TRMT11: variants seen among roughly 807,000 people sequenced by gnomAD.
TRMT11 encodes tRNA methyltransferase 11.
In TRMT11, 53 loss-of-function variants were observed where a neutral mutation model predicts 62.8. The observed-to-expected ratio is 0.84, with a 90% CI of 0.68 to 1.06. The LOEUF is 1.06. TRMT11 is among the 50% of genes least tolerant of loss of function. TRMT11 has a pLI of 0.00. For missense variants in TRMT11, 556 were observed against 553.4 expected, an observed-to-expected ratio of 1.00 and a Z score of -0.05; for synonymous variants, 188 against 190.3, an observed-to-expected ratio of 0.99 and a Z score of 0.10.
At chr6:126,241,238 C>T in the TRMT11 span, among the ~76,000 whole-genome samples, 1 of 152,156 alleles carries the variant, frequency 6.6e-6, no homozygotes, top group Admixed American at 6.5e-5. Context: ...GTGAGATGAA[C>T]CCGGTACCTC....
intron 21 of TRMT11, among the ~76,000 whole-genome samples, chr6:126,119,087 C>G (rs914100129): frequency 6.6e-6 from 1 of 152,042 alleles, no homozygotes; most frequent in African/African-American, 2.4e-5. Context: ...CATTCACTTC[C>G]CATATTTAGT....
chr6:126,011,126 A>T, intron 8 of TRMT11, 127 bp from the exon 9 acceptor site: 1 of 747,258 alleles, frequency 1.3e-6, no homozygotes, highest in Non-Finnish European at 2.1e-6. Context: ...TAAAATTAAG[A>T]TTTTAAATGA....
At chr6:126,051,878 A>G (rs1776229324) in intron 16 of TRMT11, among the ~76,000 whole-genome samples, 2 of 152,344 alleles carry the variant, frequency 1.3e-5, no homozygotes, top group African/African-American at 2.4e-5. Flanking sequence ...TACTTATGCA[A>G]GAAGCAGAAG....
intron 17 of TRMT11, among the ~76,000 whole-genome samples, chr6:126,070,336 A>G (rs1776816347): frequency 1.3e-5 from 2 of 152,130 alleles, no homozygotes; most frequent in Non-Finnish European, 2.9e-5. Flanking sequence ...CAGCACAGAC[A>G]CCCTCTTCTC....
intron 11 of TRMT11, 74 bp from the exon 12 acceptor site, chr6:126,021,086 C>T: frequency 6.3e-7 from 1 of 1,575,912 alleles, no homozygotes; most frequent in South Asian, 1.1e-5. Context: ...TCCCACACTA[C>T]ACTGGACGAT....
At chr6:126,147,476 C>T (rs544077459) in intron 21 of TRMT11, among the ~76,000 whole-genome samples, 1 of 152,106 alleles carries the variant, frequency 6.6e-6, no homozygotes, top group Non-Finnish European at 1.5e-5. Flanking sequence ...GTTTATATTC[C>T]TAGAGACAAC....
intron 21 of TRMT11, among the ~76,000 whole-genome samples, chr6:126,163,785 T>G (rs1237671743): frequency 2.0e-5 from 3 of 152,060 alleles, no homozygotes. Context: ...TATTCTCTGA[T>G]GGTAGTTTGT....
upstream of TRMT11, among the ~76,000 whole-genome samples, chr6:126,174,435 T>C (rs1778362974): frequency 6.6e-6 from 1 of 152,156 alleles, no homozygotes; most frequent in Non-Finnish European, 1.5e-5. Context: ...TTTACCAAAA[T>C]ATGGAAATTT....
At chr6:126,156,594 G>A (rs560290569) in intron 21 of TRMT11, among the ~76,000 whole-genome samples, 2 of 152,228 alleles carry the variant, frequency 1.3e-5, no homozygotes, top group African/African-American at 4.8e-5. Context: ...ATAAAGAAAA[G>A]AAGTTTAAAT....
At chr6:126,104,475 A>G (rs999156828) in intron 17 of TRMT11, among the ~76,000 whole-genome samples, 1 of 152,154 alleles carries the variant, frequency 6.6e-6, no homozygotes, top group Non-Finnish European at 1.5e-5. Context: ...GCTGTGAAGA[A>G]TGGATGGACC....
chr6:126,185,335 A>G (rs1314405115), intron 1 of TRMT11, among the ~76,000 whole-genome samples: 1 of 152,116 alleles, frequency 6.6e-6, no homozygotes, highest in Non-Finnish European at 1.5e-5. Flanking sequence ...GGCACTCTTC[A>G]TGCTCTTTTT....
At chr6:125,988,769 T>C (rs2128725822) in intron 1 of TRMT11, among the ~76,000 whole-genome samples, 1 of 152,352 alleles carries the variant, frequency 6.6e-6, no homozygotes, top group East Asian at 1.9e-4. Context: ...GTGAAAGTCG[T>C]ATATCTGTAA....
chr6:126,192,250 A>G (rs943047639), intron 1 of TRMT11, among the ~76,000 whole-genome samples: 25 of 152,064 alleles, frequency 1.6e-4, no homozygotes, highest in Non-Finnish European at 2.5e-4. Flanking sequence ...GATTAATCAT[A>G]GTTAACAAAT....
intron 17 of TRMT11, among the ~76,000 whole-genome samples, chr6:126,086,007 A>C (rs1777213317): frequency 6.6e-6 from 1 of 152,172 alleles, no homozygotes; most frequent in Admixed American, 6.5e-5. Context: ...AACAAAACAA[A>C]ACACAAAACA....
At chr6:125,993,728 G>A (rs1355132851) in intron 1 of TRMT11, 29 bp from the exon 2 acceptor site, 2 of 1,491,008 alleles carry the variant, frequency 1.3e-6, no homozygotes, top group South Asian at 1.1e-5. Context: ...TTGTTAAAAT[G>A]TATTTTCTCT....
downstream of TRMT11, among the ~76,000 whole-genome samples, chr6:126,204,623 C>T (rs1446878837): frequency 1.3e-5 from 2 of 152,170 alleles, no homozygotes; most frequent in African/African-American, 2.4e-5. Flanking sequence ...TTCCATAGGT[C>T]AATTACAGTT....
At chr6:126,079,438 A>C (rs1352935798) in intron 17 of TRMT11, among the ~76,000 whole-genome samples, 1 of 152,170 alleles carries the variant, frequency 6.6e-6, no homozygotes, top group Non-Finnish European at 1.5e-5. Flanking sequence ...AGGAATGTTG[A>C]AGTGGCTGTA....
chr6:126,159,467 C>A (rs1191568580), intron 21 of TRMT11, among the ~76,000 whole-genome samples: 3 of 152,280 alleles, frequency 2.0e-5, no homozygotes, highest in East Asian at 3.9e-4. Context: ...CTGGTACCTT[C>A]CCTAGAGGAT....
At chr6:126,218,949 G>A in the TRMT11 span, among the ~76,000 whole-genome samples, 1 of 152,162 alleles carries the variant, frequency 6.6e-6, no homozygotes, top group African/African-American at 2.4e-5. Context: ...CACCAGCTGA[G>A]TTCTGCCCAG....
Sources: gnomAD v4.1 joint callset for allele counts (sites outside exome capture counted in the v4.1 genomes callset) on GRCh38, gnomAD v4.1.1 for gene constraint, MANE v1.5 for transcripts, NCBI Gene and HGNC (gene_info 2026-07-23, HGNC 2026-07-21) for gene names.